Variants in REDIC1 observed in about 807,000 individuals in gnomAD.
The protein encoded by REDIC1 is HEI10 Interacting Protein 1.
chr12:39,645,950 A>T, the REDIC1 span, among the ~76,000 whole-genome samples: 5 of 152,056 alleles, frequency 3.3e-5, no homozygotes, highest in Admixed American at 6.6e-5. Context: ...ATAACTATGT[A>T]TATAGTTTGG....
At chr12:39,750,903 A>C in the REDIC1 span, among the ~76,000 whole-genome samples, 1 of 152,206 alleles carries the variant, frequency 6.6e-6, no homozygotes, top group Non-Finnish European at 1.5e-5. Flanking sequence ...CCTTATACAA[A>C]AATTAATTCA....
At chr12:39,793,335 A>C in the REDIC1 span, among the ~76,000 whole-genome samples, 1 of 152,168 alleles carries the variant, frequency 6.6e-6, no homozygotes, top group Non-Finnish European at 1.5e-5. Flanking sequence ...AATATTAAAG[A>C]CTAAATAAAT....
chr12:39,829,256 C>T, the REDIC1 span, among the ~76,000 whole-genome samples: 5 of 151,600 alleles, frequency 3.3e-5, no homozygotes, highest in Admixed American at 6.6e-5. Flanking sequence ...ATTAAGGTTT[C>T]TAGCCTCCCA....
the REDIC1 span, among the ~76,000 whole-genome samples, chr12:39,707,283 G>T: frequency 2.0e-5 from 3 of 151,880 alleles, no homozygotes; most frequent in Non-Finnish European, 1.5e-5. Flanking sequence ...GATCATCAAA[G>T]AAATGCAAAT....
the REDIC1 span, chr12:39,907,486 C>T: frequency 6.6e-6 from 1 of 152,090 alleles, no homozygotes; most frequent in African/African-American, 2.4e-5. Flanking sequence ...CCCTAGGATT[C>T]CTACAAAACT....
the REDIC1 span, among the ~76,000 whole-genome samples, chr12:39,810,838 T>G: frequency 2.0e-5 from 3 of 152,134 alleles, no homozygotes; most frequent in African/African-American, 7.2e-5. Flanking sequence ...AATTTGAGAA[T>G]TTTTCTGTCT....
the REDIC1 span, among the ~76,000 whole-genome samples, chr12:39,840,881 A>C: frequency 1.3e-3 from 201 of 152,248 alleles, no homozygotes; most frequent in African/African-American, 4.7e-3. Flanking sequence ...GTAAGTAATG[A>C]GATGAATGAA....
chr12:39,639,803 T>A, the REDIC1 span, among the ~76,000 whole-genome samples: 1 of 152,014 alleles, frequency 6.6e-6, no homozygotes, highest in Non-Finnish European at 1.5e-5. Flanking sequence ...ATTATTATTT[T>A]GATATTAGAT....
At chr12:39,843,751 A>T in the REDIC1 span, among the ~76,000 whole-genome samples, 1 of 152,078 alleles carries the variant, frequency 6.6e-6, no homozygotes, top group East Asian at 1.9e-4. Flanking sequence ...TACTTTGGAT[A>T]TCTGAGATAT....
At chr12:39,711,190 T>C in the REDIC1 span, among the ~76,000 whole-genome samples, 2 of 151,284 alleles carry the variant, frequency 1.3e-5, no homozygotes, top group Non-Finnish European at 3.0e-5. Context: ...ACAAATGCTG[T>C]TAATTCCTTC....
the REDIC1 span, among the ~76,000 whole-genome samples, chr12:39,862,396 CTA>C: frequency 6.6e-6 from 1 of 152,172 alleles, no homozygotes; most frequent in African/African-American, 2.4e-5. Flanking sequence ...TCACTGTGGT[CTA>C]TAGATTTCTA....
the REDIC1 span, among the ~76,000 whole-genome samples, chr12:39,664,076 G>C: frequency 6.7e-6 from 1 of 150,318 alleles, no homozygotes. Context: ...ATTTGTCTTT[G>C]AGTTTTTTTT....
the REDIC1 span, among the ~76,000 whole-genome samples, chr12:39,712,994 CGTGTATATGTATATATACATGTGTAT>C: frequency 6.0e-5 from 8 of 134,220 alleles, no homozygotes; most frequent in Admixed American, 5.9e-4. Flanking sequence ...TGTGTATATA[CGTGTATATGTATATATACATGTGTAT>C]ATACGTGTAT....
At chr12:39,780,360 A>T in the REDIC1 span, among the ~76,000 whole-genome samples, 33,128 of 152,150 alleles carry the variant, frequency 0.22, 4,438 homozygotes, top group Non-Finnish European at 0.31. Context: ...CTTTTTATGG[A>T]ATTTGAATGG....
the REDIC1 span, among the ~76,000 whole-genome samples, chr12:39,713,369 CACATAT>C: frequency 7.7e-6 from 1 of 129,144 alleles, no homozygotes; most frequent in Non-Finnish European, 1.7e-5. Flanking sequence ...TACGTGTATA[CACATAT>C]ACATATGTAT....
At chr12:39,907,601 T>G in the REDIC1 span, 1 of 152,170 alleles carries the variant, frequency 6.6e-6, no homozygotes, top group Admixed American at 6.6e-5. Context: ...GATCTAATTT[T>G]GAGTGTTAAG....
At chr12:39,705,879 G>T in the REDIC1 span, among the ~76,000 whole-genome samples, 5 of 151,982 alleles carry the variant, frequency 3.3e-5, no homozygotes, top group African/African-American at 4.8e-5. Context: ...GAACTGAAAG[G>T]CTTTCCTCTA....
At chr12:39,898,575 G>A in the REDIC1 span, among the ~76,000 whole-genome samples, 1 of 152,038 alleles carries the variant, frequency 6.6e-6, no homozygotes, top group Non-Finnish European at 1.5e-5. Context: ...TTGTCTTTAG[G>A]GACATTTTTA....
At chr12:39,675,617 G>C in the REDIC1 span, among the ~76,000 whole-genome samples, 2 of 152,234 alleles carry the variant, frequency 1.3e-5, no homozygotes, top group African/African-American at 2.4e-5. Context: ...GTCTGTTCAT[G>C]TGACAACTTC....
Sources: allele counts gnomAD v4.1 joint callset (sites outside exome capture counted in the v4.1 genomes callset), GRCh38; gene constraint gnomAD v4.1.1; transcripts MANE v1.5; gene names NCBI Gene and HGNC (gene_info 2026-07-23, HGNC 2026-07-21).